ARF4: variants seen among roughly 807,000 people sequenced by gnomAD.
ARF4 encodes the protein ADP-ribosylation factor 4.
Under a neutral mutation model 24.3 loss-of-function variants are expected in ARF4, and 5 were observed. The ratio of observed to expected loss-of-function variants is 0.21; its 90% CI spans 0.11 to 0.43. The LOEUF (loss-of-function observed/expected upper bound fraction) is 0.43, where lower values mean the gene tolerates loss of function less well. ARF4 is among the 20% of genes least tolerant of loss of function. ARF4 has a pLI of 1.00. For synonymous variants in ARF4, 62 were observed against 73.5 expected, an observed-to-expected ratio of 0.84 and a Z score of 0.80; for missense variants, 107 against 213.0, an observed-to-expected ratio of 0.50 and a Z score of 3.10.
At chr3:57,573,976 C>T (rs2069873516) in intron 5 of ARF4, among the ~76,000 whole-genome samples, 1 of 151,862 alleles carries the variant, frequency 6.6e-6, no homozygotes, top group Non-Finnish European at 1.5e-5. Context: ...GAGTCTCGCT[C>T]TGTCACCCAG....
chr3:57,587,330 A>AG (rs1238240197), intron 1 of ARF4, among the ~76,000 whole-genome samples: 3 of 151,312 alleles, frequency 2.0e-5, no homozygotes, highest in Non-Finnish European at 4.4e-5. Flanking sequence ...AAAAAAAAAA[A>AG]AAAAAAAAAA....
In ARF4 at chr3:57,572,120, A is replaced by T; in HGVS notation, c.*92T>A. On this transcript the variant is annotated 3_prime_UTR_variant, in exon 6 of 6. Coordinates refer to ENST00000303436, the MANE Select transcript of ARF4 (RefSeq NM_001660.4). ...TATTCTGCCCAAACCAGTCCCAGAT[A>T]CTGTTTAATAACCAAGATACAAACT... 2 of 959,312 alleles carry T rather than the reference A, an allele frequency of 2.1e-6. No homozygotes were observed. The highest frequency in any genetic ancestry group is 3.4e-6 in the Non-Finnish European group (2 of 593,494). The allele number at this position is 959,312 out of a possible 1,614,324, so 59.4% of individuals were successfully genotyped here.
In ARF4 at chr3:57,572,269, T is replaced by C. The variant is rs758596859; in HGVS notation, c.486A>G (p.Gln162=). 7.4e-6 allele frequency: 12 copies of C among 1,613,960 alleles called. No individual in the cohort carries two copies. The African/African-American group carries it at 1.3e-4, about 18-fold the overall frequency. ...CAAGTCCTTCATACAGACCAGTTCC[T>C]TGTGTTGCACAAGTGGCTTGAACAT... ...TWYVQATCAT[Q]GTGLYEGLDW... is the part of the protein sequence containing the mutation. Residue 162 remains glutamine (Q), a synonymous_variant, in exon 6 of 6, where the codon CAA becomes CAG. Transcript: ENST00000303436.
chr3:57,586,513 T>A (rs966552431), intron 1 of ARF4, among the ~76,000 whole-genome samples: 3 of 152,212 alleles, frequency 2.0e-5, no homozygotes, highest in Non-Finnish European at 4.4e-5. Flanking sequence ...CTTTAAGTTC[T>A]TTTTGGAGAC....
chr3:57,587,678 C>T (rs1173345521), intron 1 of ARF4, among the ~76,000 whole-genome samples: 1 of 151,960 alleles, frequency 6.6e-6, no homozygotes, highest in Non-Finnish European at 1.5e-5. Flanking sequence ...TAATATTTTA[C>T]ATACTCATTT....
intron 1 of ARF4, among the ~76,000 whole-genome samples, chr3:57,593,524 C>T (rs1387098630): frequency 6.6e-6 from 1 of 152,182 alleles, no homozygotes; most frequent in Non-Finnish European, 1.5e-5. Context: ...TACAGAACTA[C>T]ACTGGCATAC....
Position 57,594,224 on chromosome 3 carries a change from C to CA in ARF4, c.67+2849dup, listed in dbSNP as rs947988210. Among the ~76,000 whole-genome samples the CA allele has an allele frequency of 6.6e-5, 10 of 151,766 alleles. No homozygotes were observed. The South Asian group carries it at 1.0e-3, about 16-fold the overall frequency. ...GGGAGACAAGAGTGAAACTCCATCTCAAAAAAAATAAACAAAATAAAATAC... is the reference window on the plus strand; with the variant it reads ...GGGAGACAAGAGTGAAACTCCATCTCAAAAAAAAATAAACAAAATAAAATAC... On this transcript the variant is annotated intron_variant, in intron 1 of 5. Transcript: ENST00000303436.
chr3:57,576,504 CTTTTTTTTTTT>C (rs376750506), intron 4 of ARF4, among the ~76,000 whole-genome samples: 1 of 101,616 alleles, frequency 9.8e-6, no homozygotes, highest in Admixed American at 1.1e-4. Flanking sequence ...CTCAACCAAG[CTTTTTTTTTTT>C]TTTTTTTTTT....
chr3:57,574,387 A>G (rs969102373), intron 5 of ARF4, among the ~76,000 whole-genome samples: 12 of 151,038 alleles, frequency 7.9e-5, no homozygotes, highest in African/African-American at 2.9e-4. Context: ...ATCAATGATA[A>G]GCAATTTTAG....
In ARF4 at chr3:57,590,624, A is replaced by G. The variant is rs185132503; in HGVS notation, c.68-6160T>C. On this transcript the variant is annotated intron_variant, in intron 1 of 5. Coordinates refer to ENST00000303436, the MANE Select transcript of ARF4 (RefSeq NM_001660.4). ...TTTCATGTTTTCCTTTATCTTTCAAATTATCTACAAGTTTGAAATATACCT... is the reference window on the plus strand; with the variant it reads ...TTTCATGTTTTCCTTTATCTTTCAAGTTATCTACAAGTTTGAAATATACCT... Among the ~76,000 whole-genome samples, 199 of 152,340 alleles carry G rather than the reference A, an allele frequency of 1.3e-3. 3 individuals carry two copies. Among genetic ancestry groups the G allele is most frequent in the Admixed American group, 0.012 (186 of 15,298 alleles).
chr3:57,576,380 G>T (rs2069902631), intron 4 of ARF4, among the ~76,000 whole-genome samples: 1 of 152,022 alleles, frequency 6.6e-6, no homozygotes, highest in Non-Finnish European at 1.5e-5. Context: ...TTTCTTTGAG[G>T]GTGATGAAAA....
At chr3:57,591,647 A>G (rs74617727) in intron 1 of ARF4, among the ~76,000 whole-genome samples, 1 of 151,774 alleles carries the variant, frequency 6.6e-6, no homozygotes, top group South Asian at 2.1e-4. Context: ...TTGTATTTTG[A>G]GTATAGATGG....
intron 3 of ARF4, among the ~76,000 whole-genome samples, chr3:57,578,617 C>G (rs1322411317): frequency 3.3e-5 from 5 of 152,014 alleles, no homozygotes; most frequent in Non-Finnish European, 5.9e-5. Flanking sequence ...GTAGCTGGGA[C>G]TACAGGTGCG....
chr3:57,588,055 G>A (rs79189632), intron 1 of ARF4, among the ~76,000 whole-genome samples: 1,712 of 152,206 alleles, frequency 0.011, 11 homozygotes, highest in Non-Finnish European at 0.017. Context: ...TTTCCTTAAT[G>A]TTGCAATATT....
At chr3:57,587,758 GA>G (rs1352457736) in intron 1 of ARF4, among the ~76,000 whole-genome samples, 3 of 151,926 alleles carry the variant, frequency 2.0e-5, no homozygotes, top group African/African-American at 7.3e-5. Context: ...AATTCAAGGG[GA>G]AAAAATAATG....
chr3:57,589,517 C>T (rs2070080106), intron 1 of ARF4, among the ~76,000 whole-genome samples: 1 of 151,200 alleles, frequency 6.6e-6, no homozygotes, highest in Non-Finnish European at 1.5e-5. Context: ...CAGCAGTTCG[C>T]GACCAGCCTG....
At chr3:57,583,148 C>G (rs576134023) in intron 3 of ARF4, among the ~76,000 whole-genome samples, 5 of 152,296 alleles carry the variant, frequency 3.3e-5, no homozygotes, top group Admixed American at 3.3e-4. Flanking sequence ...CCAGTAGTAT[C>G]AGCACAACCC....
chr3:57,575,516 C>A, intron 5 of ARF4, 32 bp downstream of exon 5: 1 of 1,588,050 alleles, frequency 6.3e-7, no homozygotes, highest in South Asian at 1.2e-5. Flanking sequence ...TCTTAATAGT[C>A]AAGAGGTTAA....
intron 1 of ARF4, among the ~76,000 whole-genome samples, chr3:57,596,080 G>A (rs914723090): frequency 6.6e-6 from 1 of 152,192 alleles, no homozygotes; most frequent in African/African-American, 2.4e-5. Context: ...GAGCTCAGCT[G>A]TGATGTAGAC....
Sources: allele counts gnomAD v4.1 joint callset (sites outside exome capture counted in the v4.1 genomes callset), GRCh38; gene constraint gnomAD v4.1.1; transcripts MANE v1.5; gene names NCBI Gene and HGNC (gene_info 2026-07-23, HGNC 2026-07-21).